Variants in SUPT3H observed in about 807,000 individuals in gnomAD.
SUPT3H encodes the protein transcription initiation protein SPT3 homolog.
A neutral mutation model predicts 44.3 loss-of-function variants in SUPT3H; 44 were observed. The ratio of observed to expected loss-of-function variants is 0.99; its 90% CI spans 0.78 to 1.28. The LOEUF is 1.28. Ranked by LOEUF, SUPT3H falls within the 50% of genes most tolerant of loss-of-function variation. The pLI is 0.00. For missense variants in SUPT3H, 380 were observed against 387.1 expected (o/e 0.98, Z 0.15); for synonymous variants, 124 against 125.6 (o/e 0.99, Z 0.09).
intron 2 of SUPT3H, among the ~76,000 whole-genome samples, chr6:45,166,424 TA>T (rs200343237): frequency 6.6e-6 from 1 of 151,504 alleles, no homozygotes; most frequent in Non-Finnish European, 1.5e-5. Flanking sequence ...CCGTCTCTAC[TA>T]AAAAATACAA....
intron 2 of SUPT3H, among the ~76,000 whole-genome samples, chr6:45,115,246 G>T (rs140871978): frequency 3.9e-4 from 60 of 152,138 alleles, no homozygotes; most frequent in African/African-American, 1.2e-3. Context: ...AACAGTAAGC[G>T]TCAAGATTAC....
intron 2 of SUPT3H, among the ~76,000 whole-genome samples, chr6:45,120,417 T>TAAAAAAAAAAAAAAAAAAAAAA (rs71687494): frequency 4.6e-4 from 23 of 50,506 alleles, no homozygotes; most frequent in Admixed American, 7.7e-4. Flanking sequence ...AGACCTTGTC[T>TAAAAAAAAAAAAAAAAAAAAAA]AAAAAAAAAA....
intron 6 of SUPT3H, among the ~76,000 whole-genome samples, chr6:44,979,562 TC>T (rs1778813611): frequency 6.6e-6 from 1 of 152,104 alleles, no homozygotes; most frequent in South Asian, 2.1e-4. Context: ...AAATCAATGT[TC>T]TATGTAAAAG....
At chr6:44,952,383 A>T (rs1350253892) in intron 9 of SUPT3H, among the ~76,000 whole-genome samples, 2 of 152,230 alleles carry the variant, frequency 1.3e-5, no homozygotes, top group East Asian at 1.9e-4. Flanking sequence ...GACCTAAAGA[A>T]GATTACAACT....
intron 11 of SUPT3H, among the ~76,000 whole-genome samples, chr6:44,813,026 G>C (rs929817193): frequency 9.2e-5 from 14 of 152,278 alleles, no homozygotes; most frequent in African/African-American, 3.4e-4. Context: ...TTAGATTTCA[G>C]AGCTCACCAG....
chr6:45,232,874 T>A (rs1279341302), intron 2 of SUPT3H, among the ~76,000 whole-genome samples: 1 of 151,942 alleles, frequency 6.6e-6, no homozygotes, highest in Non-Finnish European at 1.5e-5. Context: ...AAGCTAACCC[T>A]CCAGTTCGCC....
chr6:44,889,052 C>A (rs1468352587), intron 10 of SUPT3H, among the ~76,000 whole-genome samples: 1 of 150,946 alleles, frequency 6.6e-6, no homozygotes, highest in Non-Finnish European at 1.5e-5. Context: ...AGGAATCCAA[C>A]TTACAAGGGA....
At chr6:45,070,352 A>G (rs1156489358) in intron 3 of SUPT3H, among the ~76,000 whole-genome samples, 1 of 152,188 alleles carries the variant, frequency 6.6e-6, no homozygotes, top group Non-Finnish European at 1.5e-5. Flanking sequence ...CCCAAAGCCA[A>G]TTTGGAAACC....
At chr6:45,230,023 A>G (rs966461596) in intron 2 of SUPT3H, among the ~76,000 whole-genome samples, 1 of 151,926 alleles carries the variant, frequency 6.6e-6, no homozygotes, top group African/African-American at 2.4e-5. Context: ...CTATTCTTCT[A>G]TTCTCCATGT....
intron 10 of SUPT3H, among the ~76,000 whole-genome samples, chr6:44,856,192 GTGAA>G (rs1456070534): frequency 6.6e-6 from 1 of 152,162 alleles, no homozygotes; most frequent in Non-Finnish European, 1.5e-5. Context: ...AGGAAGGAGA[GTGAA>G]TGAATAAGTG....
intron 3 of SUPT3H, among the ~76,000 whole-genome samples, chr6:45,040,564 T>G (rs1281894715): frequency 3.3e-5 from 5 of 152,186 alleles, no homozygotes; most frequent in African/African-American, 1.2e-4. Flanking sequence ...GCTTTCACCA[T>G]TACCAACACA....
chr6:45,333,992 A>T (rs969813602), intron 2 of SUPT3H, among the ~76,000 whole-genome samples: 3 of 151,366 alleles, frequency 2.0e-5, no homozygotes, highest in Non-Finnish European at 4.4e-5. Flanking sequence ...TGAGATATTT[A>T]AAAATTATCA....
intron 6 of SUPT3H, among the ~76,000 whole-genome samples, chr6:44,968,347 G>C (rs1003616450): frequency 6.6e-6 from 1 of 152,134 alleles, no homozygotes; most frequent in Admixed American, 6.5e-5. Context: ...TGGTCCACTT[G>C]CAGAAGGATA....
intron 6 of SUPT3H, among the ~76,000 whole-genome samples, chr6:44,979,454 A>T (rs1778791708): frequency 6.6e-6 from 1 of 152,226 alleles, no homozygotes; most frequent in Non-Finnish European, 1.5e-5. Flanking sequence ...TTCTTTGAAA[A>T]TCATAAACCA....
chr6:45,374,050 A>G (rs907413850), intron 1 of SUPT3H, among the ~76,000 whole-genome samples: 8 of 152,246 alleles, frequency 5.3e-5, no homozygotes, highest in African/African-American at 1.9e-4. Context: ...TTTTAAATGT[A>G]ATTCTCATTT....
chr6:44,963,056 T>C (rs12193264), intron 6 of SUPT3H, among the ~76,000 whole-genome samples: 31,199 of 151,342 alleles, frequency 0.21, 3,928 homozygotes, highest in Non-Finnish European at 0.29. Flanking sequence ...ATAATGTATA[T>C]ATGTATGTGT....
At chr6:44,861,394 T>TTTTA (rs2153425623) in intron 10 of SUPT3H, among the ~76,000 whole-genome samples, 1 of 52,836 alleles carries the variant, frequency 1.9e-5, no homozygotes, top group South Asian at 7.2e-4. Context: ...CTTTTCTTTT[T>TTTTA]GTTTTTTTTT....
intron 2 of SUPT3H, among the ~76,000 whole-genome samples, chr6:45,335,099 A>G (rs1788287668): frequency 6.6e-6 from 1 of 151,150 alleles, no homozygotes; most frequent in African/African-American, 2.4e-5. Flanking sequence ...AAACAGGTAT[A>G]TTTTCTCATT....
rs1258630149 is a variant in SUPT3H, at chr6:44,954,528, G to T, written c.660C>A (p.Ile220=). 1.9e-6 allele frequency: 3 copies of T among 1,614,014 alleles called. No homozygotes were observed. The highest frequency in any genetic ancestry group is 2.5e-6 in the Non-Finnish European group (3 of 1,179,940). The change falls in exon 8 of 11, where the codon ATC becomes ATA. Residue 220 remains isoleucine, a synonymous_variant. Coordinates refer to ENST00000371459, the MANE Select transcript of SUPT3H (RefSeq NM_003599.4). ...CAGTTTCATACGCTAAATATGCTAA[G>T]ATTTCCATTGCGACAACATTGGGTT... ...EIKPNVVAME[I]LAYLAYETVA...
Sources: gnomAD v4.1 joint callset for allele counts (sites outside exome capture counted in the v4.1 genomes callset) on GRCh38, gnomAD v4.1.1 for gene constraint, MANE v1.5 for transcripts, NCBI Gene and HGNC (gene_info 2026-07-23, HGNC 2026-07-21) for gene names.